Variants in AGBL1 observed in about 807,000 individuals in gnomAD.
The protein encoded by AGBL1 is cytosolic carboxypeptidase 4.
A neutral mutation model predicts 118.9 loss-of-function variants in AGBL1; 130 were observed. The observed-to-expected ratio is 1.09, with a 90% CI of 0.95 to 1.26. The LOEUF is 1.26. Ranked by LOEUF, AGBL1 falls within the 50% of genes most tolerant of loss-of-function variation. The probability of loss-of-function intolerance (pLI) is 0.00; values close to 1 mark genes in which losing one functional copy is unlikely to be tolerated. For synonymous variants in AGBL1, 555 were observed against 478.9 expected (o/e 1.16, Z -2.08); for missense variants, 1,584 against 1,298.1 (o/e 1.22, Z -3.38).
intron 21 of AGBL1, among the ~76,000 whole-genome samples, chr15:86,650,779 C>A (rs1470919478): frequency 1.3e-5 from 2 of 152,186 alleles, no homozygotes; most frequent in Admixed American, 1.3e-4. Context: ...AGGCTTCTTT[C>A]CCGAGCTCCC....
intron 18 of AGBL1, among the ~76,000 whole-genome samples, chr15:86,444,534 G>T (rs1416647520): frequency 6.6e-6 from 1 of 152,154 alleles, no homozygotes; most frequent in Non-Finnish European, 1.5e-5. Context: ...AAAGCTATCT[G>T]GGGGCAGGCC....
At chr15:86,925,637 T>G (rs1446231423) in intron 23 of AGBL1, among the ~76,000 whole-genome samples, 1 of 152,076 alleles carries the variant, frequency 6.6e-6, no homozygotes, top group African/African-American at 2.4e-5. Context: ...ACCAAATAGG[T>G]GCTGACAGGC....
At chr15:86,898,621 A>C (rs548024768) in intron 22 of AGBL1, among the ~76,000 whole-genome samples, 1 of 152,318 alleles carries the variant, frequency 6.6e-6, no homozygotes, top group Admixed American at 6.5e-5. Flanking sequence ...AAATCTACAG[A>C]ATGAGAGAAA....
At chr15:86,780,936 A>T (rs1255019285) in intron 22 of AGBL1, among the ~76,000 whole-genome samples, 1 of 152,078 alleles carries the variant, frequency 6.6e-6, no homozygotes, top group Non-Finnish European at 1.5e-5. Context: ...CCAAAGTGCT[A>T]GGATTACAGG....
chr15:86,267,903 G>C (rs192710496), intron 13 of AGBL1, among the ~76,000 whole-genome samples: 1 of 152,188 alleles, frequency 6.6e-6, no homozygotes, highest in Admixed American at 6.5e-5. Context: ...AGAGTGCCAG[G>C]GTAACTTCAT....
intron 21 of AGBL1, among the ~76,000 whole-genome samples, chr15:86,668,100 C>A (rs996979519): frequency 6.6e-6 from 1 of 152,124 alleles, no homozygotes; most frequent in African/African-American, 2.4e-5. Context: ...ACAATTCACT[C>A]GTTCCCATGG....
chr15:86,572,682 G>T (rs1018421591), intron 21 of AGBL1, among the ~76,000 whole-genome samples: 2 of 152,196 alleles, frequency 1.3e-5, no homozygotes, highest in Non-Finnish European at 2.9e-5. Context: ...CTGCCTCAGG[G>T]TACAGGGCAC....
intron 20 of AGBL1, among the ~76,000 whole-genome samples, chr15:86,550,154 G>C (rs183205875): frequency 6.6e-6 from 1 of 152,110 alleles, no homozygotes; most frequent in East Asian, 1.9e-4. Flanking sequence ...GGCCCAAAAA[G>C]AGAGGAAAAT....
chr15:86,518,062 C>T (rs937220612), intron 18 of AGBL1, among the ~76,000 whole-genome samples: 1 of 152,182 alleles, frequency 6.6e-6, no homozygotes, highest in Non-Finnish European at 1.5e-5. Context: ...TATTATCTAG[C>T]CTGGCATCAT....
At chr15:86,893,541 A>G (rs1165169130) in intron 22 of AGBL1, among the ~76,000 whole-genome samples, 1 of 152,202 alleles carries the variant, frequency 6.6e-6, no homozygotes, top group Non-Finnish European at 1.5e-5. Flanking sequence ...ATGCAAATGA[A>G]AAATCAAAAC....
intron 21 of AGBL1, among the ~76,000 whole-genome samples, chr15:86,570,626 G>T (rs1028306057): frequency 6.6e-6 from 1 of 152,164 alleles, no homozygotes; most frequent in Non-Finnish European, 1.5e-5. Context: ...GAGAAACCTA[G>T]GTCAAATCCA....
chr15:86,365,034 C>CGCATAT (rs1470445907), intron 17 of AGBL1, among the ~76,000 whole-genome samples: 1 of 111,360 alleles, frequency 9.0e-6, no homozygotes, highest in African/African-American at 3.6e-5. Flanking sequence ...TATACACACA[C>CGCATAT]ATATATATAC....
In AGBL1 at chr15:86,932,262, C is replaced by T. The variant is rs111391021; in HGVS notation, c.3222-55725C>T. 1.0e-3 allele frequency among the ~76,000 whole-genome samples: 154 copies of T among 152,234 alleles called. 1 individual carries two copies. The highest frequency in any genetic ancestry group is 3.3e-3 in the African/African-American group (136 of 41,526). On this transcript the variant is annotated intron_variant, in intron 23 of 24. Coordinates refer to the AGBL1 transcript ENST00000441037. ...AAATTCCCTAAGTGCATATAAACAA[C>T]GAAGTAATTTCTAAACATGATATTA... is the stretch of plus-strand genomic sequence containing the variant.
chr15:86,633,818 G>GTA (rs201417120), intron 21 of AGBL1, among the ~76,000 whole-genome samples: 4 of 4,706 alleles, frequency 8.5e-4, no homozygotes, highest in South Asian at 0.015. Context: ...TATAATGTAT[G>GTA]TATATATATA....
chr15:86,676,011 GGA>G (rs1319165133), intron 22 of AGBL1, among the ~76,000 whole-genome samples: 3 of 152,106 alleles, frequency 2.0e-5, no homozygotes, highest in Non-Finnish European at 2.9e-5. Context: ...GTTATTATAA[GGA>G]GATAGTATTA....
chr15:86,571,410 G>C (rs1289228793), intron 21 of AGBL1, among the ~76,000 whole-genome samples: 1 of 152,136 alleles, frequency 6.6e-6, no homozygotes, highest in Non-Finnish European at 1.5e-5. Flanking sequence ...GAGCGTTATT[G>C]AGCAATGGAA....
chr15:86,389,172 A>G (rs2081241158), intron 17 of AGBL1, among the ~76,000 whole-genome samples: 1 of 152,312 alleles, frequency 6.6e-6, no homozygotes, highest in East Asian at 1.9e-4. Flanking sequence ...AATAAGGAGT[A>G]TAAGAAAGTT....
chr15:86,678,944 C>G (rs1237007663), intron 22 of AGBL1, among the ~76,000 whole-genome samples: 1 of 151,918 alleles, frequency 6.6e-6, no homozygotes, highest in African/African-American at 2.4e-5. Flanking sequence ...GTATTCTGTT[C>G]CATTAGTCTG....
intron 22 of AGBL1, among the ~76,000 whole-genome samples, chr15:86,776,436 T>C (rs2078256255): frequency 6.6e-6 from 1 of 152,098 alleles, no homozygotes; most frequent in South Asian, 2.1e-4. Flanking sequence ...ATTTTATTTA[T>C]TTGTGTTTCT....
Sources: allele counts gnomAD v4.1 joint callset (sites outside exome capture counted in the v4.1 genomes callset), GRCh38; gene constraint gnomAD v4.1.1; transcripts MANE v1.5; gene names NCBI Gene and HGNC (gene_info 2026-07-23, HGNC 2026-07-21).